TANK: variants seen among roughly 807,000 people sequenced by gnomAD.
TANK encodes the protein TRAF family member-associated NF-kappa-B activator.
TANK carries 15 observed loss-of-function variants against 43.6 expected under a neutral mutation model. The observed-to-expected ratio is 0.34, with a 90% CI of 0.23 to 0.53. The LOEUF (loss-of-function observed/expected upper bound fraction) is 0.53. Ranked by LOEUF, TANK falls within the 20% of genes least tolerant of loss-of-function variation. The pLI is 0.94. For missense variants in TANK, 417 were observed against 498.6 expected (o/e 0.84, Z 1.56); for synonymous variants, 162 against 178.2 (o/e 0.91, Z 0.73).
At chr2:161,174,856 A>G (rs1685109230) in intron 1 of TANK, among the ~76,000 whole-genome samples, 2 of 152,210 alleles carry the variant, frequency 1.3e-5, no homozygotes, top group African/African-American at 2.4e-5. Flanking sequence ...AGAAATGCAT[A>G]TAATCCTTGC....
chr2:161,169,987 A>AAT (rs1220374850), intron 1 of TANK, among the ~76,000 whole-genome samples: 1 of 152,318 alleles, frequency 6.6e-6, no homozygotes, highest in Admixed American at 6.5e-5. Context: ...CCCATGATCA[A>AAT]ATAGGGAACC....
chr2:161,222,244 CTTTT>C (rs540872310), intron 4 of TANK, among the ~76,000 whole-genome samples: 1 of 151,654 alleles, frequency 6.6e-6, no homozygotes, highest in Admixed American at 6.6e-5. Context: ...GGGCATTACT[CTTTT>C]TTTTGTTTTG....
Position 161,236,119 on chromosome 2 carries a change from A to C in TANK, c.*601A>C, listed in dbSNP as rs959036232. The stretch of plus-strand genomic sequence containing the variant: ...ATTTTTAAATAATATACATGGCTTT[A>C]ATTTTTACTGTGTGTATAGCTACAT... On this transcript the variant is annotated 3_prime_UTR_variant, in exon 8 of 8. Transcript: ENST00000392749. 4.6e-5 allele frequency: 7 copies of C among 151,682 alleles called. No individual in the cohort carries two copies. Among genetic ancestry groups the C allele is most frequent in the Non-Finnish European group, 1.0e-4 (7 of 67,946 alleles). 9.4% of individuals were successfully genotyped at this position (151,682 alleles called of 1,614,324 possible). A position where few individuals can be genotyped will look rare whatever the true frequency, so the allele number is the denominator to read the frequency against.
chr2:161,208,977 G>A (rs143340619), intron 4 of TANK, among the ~76,000 whole-genome samples: 1 of 152,172 alleles, frequency 6.6e-6, no homozygotes, highest in Non-Finnish European at 1.5e-5. Context: ...AGATTGTGGT[G>A]TACAGAAGAG....
At chr2:161,231,647 C>G in intron 7 of TANK, 96 bp downstream of exon 7, 1 of 1,131,770 alleles carries the variant, frequency 8.8e-7, no homozygotes, top group South Asian at 1.4e-5. Context: ...ATCAAACATC[C>G]TTTTTAAACT....
At position 161,160,429 on chromosome 2, in the gene TANK, C is replaced by G; in HGVS notation, c.-107C>G. The G allele has an allele frequency of 8.1e-7, 1 of 1,240,620 alleles. No individual in the cohort carries two copies. Among genetic ancestry groups the G allele is most frequent in the Non-Finnish European group, 1.0e-6 (1 of 992,204 alleles). The allele number at this position is 1,240,620 out of a possible 1,614,324, so 76.9% of individuals were successfully genotyped here. A position where few individuals can be genotyped will look rare whatever the true frequency, so the allele number is the denominator to read the frequency against. On this transcript the variant is annotated 5_prime_UTR_variant, in exon 1 of 8. Coordinates refer to ENST00000392749, the MANE Select transcript of TANK (RefSeq NM_001199135.3). ...AAAATGCAACTTCCGGTTGGAGTCACTCGGCCAGGCGCCGGCGACCTGAGG... is the reference window on the plus strand; with the variant it reads ...AAAATGCAACTTCCGGTTGGAGTCAGTCGGCCAGGCGCCGGCGACCTGAGG...
intron 1 of TANK, among the ~76,000 whole-genome samples, chr2:161,167,962 G>T (rs1684766321): frequency 6.6e-6 from 1 of 151,998 alleles, no homozygotes; most frequent in South Asian, 2.1e-4. Flanking sequence ...GCAAAGAATG[G>T]GCTGATACTA....
intron 1 of TANK, among the ~76,000 whole-genome samples, chr2:161,176,950 T>A (rs1026422128): frequency 1.3e-5 from 2 of 152,196 alleles, no homozygotes; most frequent in African/African-American, 4.8e-5. Flanking sequence ...TATATTATAG[T>A]CCCTGTGACT....
At chr2:161,157,839 A>C (rs1272373126), upstream of TANK, among the ~76,000 whole-genome samples, 1 of 152,084 alleles carries the variant, frequency 6.6e-6, no homozygotes, top group African/African-American at 2.4e-5. Context: ...GTGCACCACC[A>C]AACCTGGCTA....
intron 2 of TANK, among the ~76,000 whole-genome samples, chr2:161,187,174 C>T (rs906391499): frequency 2.0e-5 from 3 of 152,066 alleles, no homozygotes; most frequent in Admixed American, 2.0e-4. Context: ...ACCTGTAATC[C>T]CATCACTTTG....
At chr2:161,142,734 A>G (rs762352332) in intron 1 of TANK, among the ~76,000 whole-genome samples, 3 of 152,112 alleles carry the variant, frequency 2.0e-5, no homozygotes, top group Non-Finnish European at 4.4e-5. Context: ...GCCTTATAGT[A>G]TATTTTGAAG....
intron 6 of TANK, among the ~76,000 whole-genome samples, chr2:161,227,409 T>C (rs1687687628): frequency 1.3e-5 from 2 of 152,216 alleles, no homozygotes; most frequent in African/African-American, 4.8e-5. Flanking sequence ...TTTAGCCTAA[T>C]GGTTCAGAGC....
rs138696877 is a variant in TANK, at chr2:161,165,006, G to A, written c.-50+4520G>A. On this transcript the variant is annotated intron_variant, in intron 1 of 7. Transcript: ENST00000392749. Reference sequence around the variant, plus strand: ...ATGAGAGTAAACATTTTGAGTACTAGTGATCTATAATAGCTTTTACTTAAC... The same window carrying A: ...ATGAGAGTAAACATTTTGAGTACTAATGATCTATAATAGCTTTTACTTAAC... Among the ~76,000 whole-genome samples the A allele has an allele frequency of 5.6e-3, 823 of 146,496 alleles. 4 individuals are homozygous for A. Among genetic ancestry groups the A allele is most frequent in the Non-Finnish European group, 9.1e-3 (608 of 66,904 alleles).
intron 7 of TANK, among the ~76,000 whole-genome samples, chr2:161,232,300 C>CA (rs1687949471): frequency 6.6e-6 from 1 of 152,046 alleles, no homozygotes; most frequent in Non-Finnish European, 1.5e-5. Context: ...ATAATTTTTA[C>CA]AAAAAACAGA....
intron 1 of TANK, among the ~76,000 whole-genome samples, chr2:161,172,355 C>CTTTTTT (rs72017971): frequency 2.2e-5 from 2 of 89,262 alleles, no homozygotes; most frequent in African/African-American, 9.9e-5. Flanking sequence ...TTTTTTTCGG[C>CTTTTTT]TTTTTTTTTT....
intron 2 of TANK, 57 bp downstream of exon 2, chr2:161,179,818 C>T: frequency 6.5e-7 from 1 of 1,537,990 alleles, no homozygotes; most frequent in South Asian, 1.2e-5. Flanking sequence ...AATTTTAGAG[C>T]CTTTTGCATC....
chr2:161,224,776 T>G, intron 6 of TANK, 30 bp downstream of exon 6: 1 of 1,255,410 alleles, frequency 8.0e-7, no homozygotes, highest in Non-Finnish European at 1.1e-6. Flanking sequence ...ACAGTAATAT[T>G]GATTTGCTTG....
At chr2:161,217,778 T>A (rs542018544) in intron 4 of TANK, among the ~76,000 whole-genome samples, 1 of 152,078 alleles carries the variant, frequency 6.6e-6, no homozygotes, top group East Asian at 1.9e-4. Flanking sequence ...ACCCAACATA[T>A]AAAGAACCCA....
chr2:161,191,193 G>T (rs1377515748), intron 2 of TANK, among the ~76,000 whole-genome samples: 2 of 152,106 alleles, frequency 1.3e-5, no homozygotes, highest in African/African-American at 2.4e-5. Flanking sequence ...AGACATCTAA[G>T]TATTCCAAAT....
Sources: allele counts gnomAD v4.1 joint callset (sites outside exome capture counted in the v4.1 genomes callset), GRCh38; gene constraint gnomAD v4.1.1; transcripts MANE v1.5; gene names NCBI Gene and HGNC (gene_info 2026-07-23, HGNC 2026-07-21).